The following PEX5L variants were observed in gnomAD, a reference collection of about 807,000 sequenced individuals.
The protein encoded by PEX5L is PEX5-related protein.
PEX5L carries 30 observed loss-of-function variants against 84.0 expected under a neutral mutation model. That is an observed-to-expected ratio of 0.36 (90% CI 0.27 to 0.48). PEX5L has a LOEUF of 0.48. Ranked by LOEUF, PEX5L falls within the 20% of genes least tolerant of loss-of-function variation. PEX5L has a pLI of 0.99. For missense variants in PEX5L, 533 were observed against 754.6 expected, an observed-to-expected ratio of 0.71 and a Z score of 3.44; for synonymous variants, 270 against 283.1, an observed-to-expected ratio of 0.95 and a Z score of 0.46.
intron 7 of PEX5L, among the ~76,000 whole-genome samples, chr3:179,865,511 CTT>C (rs56886685): frequency 7.1e-5 from 10 of 141,836 alleles, no homozygotes; most frequent in Middle Eastern, 3.8e-3. Flanking sequence ...TCAATGCAAA[CTT>C]TTTTTTTTTT....
At chr3:179,861,294 G>C (rs540378095) in intron 7 of PEX5L, among the ~76,000 whole-genome samples, 2 of 152,324 alleles carry the variant, frequency 1.3e-5, no homozygotes, top group East Asian at 3.9e-4. Context: ...TCTCAGTCAA[G>C]GTTCTCTGTT....
At chr3:179,872,617 T>C (rs931780591) in intron 7 of PEX5L, among the ~76,000 whole-genome samples, 1 of 151,814 alleles carries the variant, frequency 6.6e-6, no homozygotes, top group African/African-American at 2.4e-5. Context: ...AGCAGGAGAG[T>C]TGCAGTCACT....
intron 7 of PEX5L, among the ~76,000 whole-genome samples, chr3:179,870,465 G>C (rs1577856937): frequency 1.3e-5 from 1 of 78,312 alleles, no homozygotes; most frequent in Non-Finnish European, 3.0e-5. Flanking sequence ...ATGGATTTGA[G>C]GTTTCCTCCC....
intron 2 of PEX5L, among the ~76,000 whole-genome samples, chr3:179,904,206 C>T (rs1578248329): frequency 6.6e-6 from 1 of 152,156 alleles, no homozygotes; most frequent in South Asian, 2.1e-4. Context: ...GTCTCTTTTT[C>T]CCCTCCAGCA....
At chr3:179,965,264 T>C (rs528729683) in intron 2 of PEX5L, among the ~76,000 whole-genome samples, 29 of 152,036 alleles carry the variant, frequency 1.9e-4, no homozygotes, top group Non-Finnish European at 4.1e-4. Context: ...GAGGCACGAG[T>C]TACAGAGGAA....
chr3:179,907,699 G>A (rs1233924037), intron 2 of PEX5L, among the ~76,000 whole-genome samples: 1 of 152,112 alleles, frequency 6.6e-6, no homozygotes, highest in Non-Finnish European at 1.5e-5. Flanking sequence ...TTATCCAGAT[G>A]TCATAAGGTA....
intron 3 of PEX5L, among the ~76,000 whole-genome samples, chr3:179,897,877 T>G (rs1759880113): frequency 6.6e-6 from 1 of 152,142 alleles, no homozygotes; most frequent in Non-Finnish European, 1.5e-5. Context: ...AGCAACATGT[T>G]TTACTTGCAC....
intron 14 of PEX5L, among the ~76,000 whole-genome samples, chr3:179,807,442 G>C (rs1478855575): frequency 1.3e-5 from 2 of 152,194 alleles, no homozygotes; most frequent in Non-Finnish European, 2.9e-5. Flanking sequence ...TTGGGAATCT[G>C]CATTTCCCAA....
intron 1 of PEX5L, among the ~76,000 whole-genome samples, chr3:180,028,067 T>C (rs1183583978): frequency 2.0e-5 from 3 of 152,180 alleles, no homozygotes; most frequent in African/African-American, 7.2e-5. Flanking sequence ...AATTTAGCCA[T>C]TGAAAAGTTC....
intron 2 of PEX5L, among the ~76,000 whole-genome samples, chr3:179,917,267 T>C (rs1578422965): frequency 6.6e-6 from 1 of 152,266 alleles, no homozygotes; most frequent in East Asian, 1.9e-4. Flanking sequence ...ATCTGTCATC[T>C]ATGATAAAAA....
chr3:180,008,313 A>T (rs186916921), intron 1 of PEX5L, among the ~76,000 whole-genome samples: 2 of 152,296 alleles, frequency 1.3e-5, no homozygotes, highest in African/African-American at 4.8e-5. Flanking sequence ...TCTCTTCTCC[A>T]TCTGAGACCA....
In PEX5L at chr3:180,001,452, T is replaced by C. The variant is rs138335952; in HGVS notation, c.22-29787A>G. Among the ~76,000 whole-genome samples the C allele has an allele frequency of 9.3e-5, 14 of 150,912 alleles. 1 individual carries two copies. Among genetic ancestry groups the C allele is most frequent in the African/African-American group, 2.7e-4 (11 of 41,222 alleles). ...CACCGTCTCTCTGATAAAAACGAAC[T>C]TGGTAAATAAACTCTTTGTGCACAT... On this transcript the variant is annotated intron_variant, in intron 1 of 14. Transcript: ENST00000467460.
intron 2 of PEX5L, among the ~76,000 whole-genome samples, chr3:179,945,095 T>A (rs1777155571): frequency 6.6e-6 from 1 of 152,176 alleles, no homozygotes; most frequent in African/African-American, 2.4e-5. Context: ...AGTGAAAAAT[T>A]GAAGCCAATT....
At chr3:179,840,161 T>TTTTG (rs1485877380) in intron 8 of PEX5L, among the ~76,000 whole-genome samples, 11 of 123,770 alleles carry the variant, frequency 8.9e-5, no homozygotes, top group Admixed American at 1.7e-4. Flanking sequence ...AAGTTGTTTT[T>TTTTG]TGTGTGTGTG....
intron 8 of PEX5L, among the ~76,000 whole-genome samples, chr3:179,829,570 A>T (rs1731849672): frequency 6.6e-6 from 1 of 152,108 alleles, no homozygotes; most frequent in Non-Finnish European, 1.5e-5. Flanking sequence ...AAGGAATGTA[A>T]AGTACTTGGC....
chr3:179,877,858 A>T (rs1468766522), intron 5 of PEX5L, among the ~76,000 whole-genome samples: 3 of 152,212 alleles, frequency 2.0e-5, no homozygotes, highest in African/African-American at 7.2e-5. Flanking sequence ...ATAGTTATAA[A>T]ATTTCCCTCC....
At chr3:179,894,608 T>A (rs1449821962) in intron 3 of PEX5L, among the ~76,000 whole-genome samples, 1 of 152,138 alleles carries the variant, frequency 6.6e-6, no homozygotes, top group African/African-American at 2.4e-5. Flanking sequence ...GACAATTTTT[T>A]AAGTTAGAAA....
chr3:179,954,346 G>T (rs184451788), intron 2 of PEX5L, among the ~76,000 whole-genome samples: 1 of 151,630 alleles, frequency 6.6e-6, no homozygotes, highest in East Asian at 2.0e-4. Context: ...AGACATATTT[G>T]TGTGCAAACT....
chr3:179,973,476 T>A, intron 1 of PEX5L: 1 of 968,772 alleles, frequency 1.0e-6, no homozygotes, highest in Non-Finnish European at 1.2e-6. Flanking sequence ...TGCACTTCTA[T>A]GCTCTTTGAC....
Sources: allele counts gnomAD v4.1 joint callset (sites outside exome capture counted in the v4.1 genomes callset), GRCh38; gene constraint gnomAD v4.1.1; transcripts MANE v1.5; gene names NCBI Gene and HGNC (gene_info 2026-07-23, HGNC 2026-07-21).